Variants in FANCA observed in about 807,000 individuals in gnomAD.
The protein encoded by FANCA is Fanconi anemia group A protein.
FANCA carries 236 observed loss-of-function variants against 194.3 expected under a neutral mutation model. The observed-to-expected ratio is 1.21, with a 90% CI of 1.09 to 1.35. The LOEUF is 1.35. Among genes scored for constraint, FANCA ranks in the 40% most tolerant of loss-of-function variants. The probability of loss-of-function intolerance (pLI) is 0.00; values close to 1 mark genes in which losing one functional copy is unlikely to be tolerated. For synonymous variants in FANCA, 1,014 were observed against 715.8 expected (o/e 1.42, Z -6.65); for missense variants, 2,628 against 1,813.9 (o/e 1.45, Z -8.15).
At chr16:89,774,311 AC>A (rs1277756656) in intron 21 of FANCA, among the ~76,000 whole-genome samples, 1 of 152,154 alleles carries the variant, frequency 6.6e-6, no homozygotes, top group East Asian at 1.9e-4. Flanking sequence ...GAACAAGTGG[AC>A]CCCAGGGGAA....
At chr16:89,746,516 G>A in intron 35 of FANCA, 68 bp downstream of exon 35, 1 of 1,242,228 alleles carries the variant, frequency 8.1e-7, no homozygotes, top group South Asian at 1.2e-5. Flanking sequence ...CTGCAGAGAT[G>A]CCAGAGGCAG....
At chr16:89,758,799 A>T in intron 29 of FANCA, 94 bp from the exon 30 acceptor site, 2 of 1,575,580 alleles carry the variant, frequency 1.3e-6, no homozygotes, top group Non-Finnish European at 1.7e-6. Flanking sequence ...AGGGACACAC[A>T]GCACTAGTGA....
rs201975190 is a variant in FANCA, at chr16:89,799,667, T to G, written c.793-29A>C. On this transcript the variant is annotated intron_variant, in intron 8 of 42. Transcript: ENST00000389301. ...TCAAAATAGAATGTGAGTTACCATCTTGGTAATCTTCTGTAATTTGTGTGA... is the reference window on the plus strand; with the variant it reads ...TCAAAATAGAATGTGAGTTACCATCGTGGTAATCTTCTGTAATTTGTGTGA... 867 of 1,578,862 alleles carry G rather than the reference T, an allele frequency of 5.5e-4. 1 individual carries two copies. Among genetic ancestry groups the G allele is most frequent in the Non-Finnish European group, 6.2e-4 (716 of 1,148,756 alleles).
intron 41 of FANCA, 25 bp from the exon 42 acceptor site, chr16:89,738,999 C>T: frequency 1.9e-6 from 3 of 1,614,162 alleles, no homozygotes; most frequent in Middle Eastern, 1.6e-4. Flanking sequence ...GGCAAACTCA[C>T]AGGTTAGAAG....
intron 6 of FANCA, among the ~76,000 whole-genome samples, chr16:89,807,474 G>A (rs555806955): frequency 2.6e-5 from 4 of 151,880 alleles, no homozygotes; most frequent in South Asian, 2.1e-4. Context: ...AAAAGGCCGC[G>A]CGAGGTGGCT....
intron 36 of FANCA, among the ~76,000 whole-genome samples, chr16:89,743,710 C>T (rs920000922): frequency 2.6e-5 from 4 of 151,978 alleles, no homozygotes; most frequent in African/African-American, 4.8e-5. Context: ...GTAATCCCAG[C>T]TACTCAGGAG....
At chr16:89,741,323 C>G (rs1425763938) in intron 37 of FANCA, among the ~76,000 whole-genome samples, 1 of 152,242 alleles carries the variant, frequency 6.6e-6, no homozygotes, top group African/African-American at 2.4e-5. Flanking sequence ...CCACTAAAAT[C>G]CCTTCTAACA....
At chr16:89,798,712 G>A in intron 10 of FANCA, 13 of 1,317,986 alleles carry the variant, frequency 9.9e-6, no homozygotes, top group Non-Finnish European at 9.8e-6. Flanking sequence ...GCCAAGCTTT[G>A]CCTACTGGTG....
At chr16:89,809,990 C>T (rs1004898736) in intron 5 of FANCA, among the ~76,000 whole-genome samples, 1 of 151,994 alleles carries the variant, frequency 6.6e-6, no homozygotes, top group Non-Finnish European at 1.5e-5. Context: ...TGCGCCACTG[C>T]ACTCCAGCCT....
chr16:89,769,922 C>T lies in FANCA; in HGVS notation c.2419G>A (p.Ala807Thr), dbSNP rs2039263876. ...ALPEVDVGPP[A>T]PGAGLPVPAL... The stretch of plus-strand genomic sequence containing the variant: ...GGGACAGGAAGGCCAGCACCAGGTG[C>T]AGGAGGACCCACATCCACCTCTGGG... Residue 807 changes from alanine to threonine, a missense_variant, in exon 26 of 43, where the codon GCA becomes ACA. By Grantham distance (58) the Ala-to-Thr change is moderately conservative. Coordinates refer to ENST00000389301, the MANE Select transcript of FANCA (RefSeq NM_000135.4). 2 of 1,613,938 alleles carry T rather than the reference C, an allele frequency of 1.2e-6. No homozygotes were observed. The highest frequency in any genetic ancestry group is 3.3e-5 in the Admixed American group (2 of 60,010).
At chr16:89,799,901 G>A (rs1379461291) in intron 8 of FANCA, among the ~76,000 whole-genome samples, 3 of 152,224 alleles carry the variant, frequency 2.0e-5, no homozygotes, top group Non-Finnish European at 2.9e-5. Flanking sequence ...GGCTGAGGCA[G>A]GAGAATGGCG....
At position 89,771,763 on chromosome 16, in the gene FANCA, C is replaced by T. The variant is rs769209218; in HGVS notation, c.2066G>A (p.Gly689Asp). Residue 689 changes from glycine to aspartate, a missense_variant, in exon 23 of 43, where the codon GGC becomes GAC. Coordinates refer to ENST00000389301, the MANE Select transcript of FANCA (RefSeq NM_000135.4). ...VISERLRAVLGHNEDDSSVEI... is the reference protein window; with the variant it reads ...VISERLRAVLDHNEDDSSVEI... ...AACGCTGCTGTCATCCTCATTGTGG[C>T]CCAGGACAGCCCTCAGTCTTTCAGA... is the stretch of plus-strand genomic sequence containing the variant. The T allele has an allele frequency of 5.0e-6, 8 of 1,614,046 alleles. No homozygotes were observed. In the Admixed American group the frequency reaches 1.2e-4, roughly 24 times the overall value.
chr16:89,799,350 C>G, intron 9 of FANCA, 118 bp from the exon 10 acceptor site: 1 of 1,165,948 alleles, frequency 8.6e-7, no homozygotes, highest in Admixed American at 1.9e-5. Context: ...GGGCCCACAT[C>G]CATCAAGACT....
At chr16:89,764,665 C>A (rs1019957029) in intron 28 of FANCA, 1 of 625,112 alleles carries the variant, frequency 1.6e-6, no homozygotes. Context: ...AGATTCCAAT[C>A]AAACCATCTA....
chr16:89,816,626 C>A lies in FANCA; in HGVS notation c.-11G>T. 1 of 1,519,936 alleles carries A rather than the reference C, an allele frequency of 6.6e-7. No individual in the cohort carries two copies. Among genetic ancestry groups the A allele is most frequent in the South Asian group, 1.2e-5 (1 of 82,450 alleles). The allele number at this position is 1,519,936 out of a possible 1,614,324, so 94.2% of individuals were successfully genotyped here. ...CCACGAGTCGGACATGGCCTTGGCG[C>A]CTACAGCCCCGGCGGCGGCTCCCTG... On this transcript the variant is annotated 5_prime_UTR_variant, in exon 1 of 43. Coordinates refer to ENST00000389301, the MANE Select transcript of FANCA (RefSeq NM_000135.4).
chr16:89,812,646 CAAA>C (rs71137677), intron 3 of FANCA, among the ~76,000 whole-genome samples: 1,537 of 41,960 alleles, frequency 0.037, 11 homozygotes, highest in Non-Finnish European at 0.048. Context: ...TACTCCGTCT[CAAA>C]AAAAAAAAAA....
At chr16:89,740,350 G>A (rs2062098312) in intron 38 of FANCA, 1 of 538,260 alleles carries the variant, frequency 1.9e-6, no homozygotes, top group Non-Finnish European at 3.3e-6. Flanking sequence ...TTAAAAGAAA[G>A]GCCCACAGGC....
chr16:89,813,136 G>T (rs2040965880), intron 3 of FANCA, among the ~76,000 whole-genome samples: 1 of 151,626 alleles, frequency 6.6e-6, no homozygotes, highest in Non-Finnish European at 1.5e-5. Flanking sequence ...GTAGACAGAT[G>T]GGGCACAGTG....
At chr16:89,754,811 C>T (rs1041540576) in intron 30 of FANCA, among the ~76,000 whole-genome samples, 2 of 152,210 alleles carry the variant, frequency 1.3e-5, no homozygotes, top group African/African-American at 4.8e-5. Context: ...GGAAAGAAGA[C>T]TCGCTATCAC....
Sources: allele counts gnomAD v4.1 joint callset (sites outside exome capture counted in the v4.1 genomes callset), GRCh38; gene constraint gnomAD v4.1.1; transcripts MANE v1.5; gene names NCBI Gene and HGNC (gene_info 2026-07-23, HGNC 2026-07-21).